CNTN5: variants seen among roughly 807,000 people sequenced by gnomAD.
CNTN5 encodes contactin 5.
In CNTN5, 77 loss-of-function variants were observed where a neutral mutation model predicts 129.1. The observed-to-expected ratio is 0.60, with a 90% CI of 0.50 to 0.72. The LOEUF is 0.72. Ranked by LOEUF, CNTN5 falls within the 30% of genes least tolerant of loss-of-function variation. CNTN5 has a pLI of 0.00. For synonymous variants in CNTN5, 509 were observed against 465.6 expected (o/e 1.09, Z -1.20); for missense variants, 1,478 against 1,328.8 (o/e 1.11, Z -1.75).
intron 2 of CNTN5, among the ~76,000 whole-genome samples, chr11:99,554,040 A>G (rs981843794): frequency 6.6e-6 from 1 of 151,480 alleles, no homozygotes. Context: ...TTTTAACATA[A>G]AATAAGTTAT....
At chr11:99,438,557 A>G (rs1354463964) in intron 2 of CNTN5, among the ~76,000 whole-genome samples, 1 of 151,938 alleles carries the variant, frequency 6.6e-6, no homozygotes, top group Non-Finnish European at 1.5e-5. Flanking sequence ...TCTCTCTCTC[A>G]TACACACACA....
intron 1 of CNTN5, among the ~76,000 whole-genome samples, chr11:99,211,383 C>T (rs992132092): frequency 6.6e-6 from 1 of 152,022 alleles, no homozygotes. Context: ...CTAGTCTAGA[C>T]AATTTTTTAA....
chr11:99,606,341 T>A (rs1304834032), intron 3 of CNTN5, among the ~76,000 whole-genome samples: 2 of 132,936 alleles, frequency 1.5e-5, no homozygotes, highest in Non-Finnish European at 3.2e-5. Context: ...TGAACTCCCA[T>A]TCACAATTGC....
At chr11:99,235,040 C>T (rs888159736) in intron 1 of CNTN5, among the ~76,000 whole-genome samples, 51 of 80,672 alleles carry the variant, frequency 6.3e-4, no homozygotes, top group African/African-American at 3.4e-3. Context: ...GGAAATGAAA[C>T]CTACCCTTTT....
At chr11:99,672,157 C>T (rs755281298) in intron 3 of CNTN5, among the ~76,000 whole-genome samples, 5 of 152,250 alleles carry the variant, frequency 3.3e-5, no homozygotes, top group Non-Finnish European at 5.9e-5. Context: ...TCACCCTCTT[C>T]GAAAACCCTA....
rs145277237 is a variant in CNTN5 at position 99,613,383 on chromosome 11, C to G, written c.55+57114C>G. Among the ~76,000 whole-genome samples, 22 of 152,270 alleles carry G rather than the reference C, an allele frequency of 1.4e-4. 1 individual carries two copies. The East Asian group carries it at 4.3e-3, about 29-fold the overall frequency. On this transcript the variant is annotated intron_variant, in intron 3 of 24. Coordinates refer to ENST00000524871, the MANE Select transcript of CNTN5 (RefSeq NM_014361.4). Reference sequence around the variant, plus strand: ...AGAAGGGTCCTTGCTTCTCTTTCGCCTTCCGCCATGTTTGTGAGTTTTTCT... The same window carrying G: ...AGAAGGGTCCTTGCTTCTCTTTCGCGTTCCGCCATGTTTGTGAGTTTTTCT...
rs563938649 is a variant in CNTN5 at position 99,191,756 on chromosome 11, CCT to C, written c.-209-133589_-209-133588del. Among the ~76,000 whole-genome samples, 1,014 of 151,570 alleles carry C rather than the reference CCT, an allele frequency of 6.7e-3. 3 individuals carry two copies. Among genetic ancestry groups the C allele is most frequent in the Non-Finnish European group, 0.012 (801 of 67,662 alleles). On this transcript the variant is annotated intron_variant, in intron 1 of 24. Transcript: ENST00000524871. Reference sequence around the variant, plus strand: ...AATTAAGAGATAAATTTAAAAATATCCTGAGACAATAAAAAATGGACACACAA... The same window carrying C: ...AATTAAGAGATAAATTTAAAAATATCGAGACAATAAAAAATGGACACACAA...
intron 2 of CNTN5, among the ~76,000 whole-genome samples, chr11:99,503,374 C>T (rs574299522): frequency 3.9e-5 from 6 of 152,280 alleles, no homozygotes; most frequent in African/African-American, 7.2e-5. Flanking sequence ...AAGACAGCAA[C>T]GTGTCTGGGT....
intron 6 of CNTN5, among the ~76,000 whole-genome samples, chr11:99,881,959 A>G (rs1270488409): frequency 6.6e-6 from 1 of 152,186 alleles, no homozygotes; most frequent in African/African-American, 2.4e-5. Flanking sequence ...ATAGCACTGA[A>G]TTTACCACTA....
intron 7 of CNTN5, among the ~76,000 whole-genome samples, chr11:99,956,537 C>T (rs1184498428): frequency 6.6e-6 from 1 of 152,010 alleles, no homozygotes; most frequent in Non-Finnish European, 1.5e-5. Flanking sequence ...TATCATAGTT[C>T]TGAGTACCTA....
At chr11:99,078,957 A>G (rs970657959) in intron 1 of CNTN5, among the ~76,000 whole-genome samples, 1 of 152,212 alleles carries the variant, frequency 6.6e-6, no homozygotes, top group African/African-American at 2.4e-5. Flanking sequence ...TGGAATGTCC[A>G]TAGCACAAAA....
chr11:100,174,313 A>T (rs1489162530), intron 13 of CNTN5, among the ~76,000 whole-genome samples: 1 of 152,130 alleles, frequency 6.6e-6, no homozygotes, highest in Admixed American at 6.6e-5. Context: ...AGCCTGAATT[A>T]TGTTCTGAGC....
At chr11:99,564,142 C>G (rs1175860312) in intron 3 of CNTN5, among the ~76,000 whole-genome samples, 1 of 152,298 alleles carries the variant, frequency 6.6e-6, no homozygotes, top group African/African-American at 2.4e-5. Context: ...AGTGCAGCGG[C>G]ATCATCATAG....
intron 2 of CNTN5, among the ~76,000 whole-genome samples, chr11:99,430,564 C>G (rs2656208): frequency 0.46 from 68,557 of 150,490 alleles, 16,156 homozygotes; most frequent in Non-Finnish European, 0.52. Flanking sequence ...CTGATTTTAA[C>G]CATGGGCCTC....
chr11:100,240,135 C>T (rs1949706253), intron 16 of CNTN5, among the ~76,000 whole-genome samples: 1 of 152,138 alleles, frequency 6.6e-6, no homozygotes, highest in South Asian at 2.1e-4. Context: ...ATCAATCATA[C>T]CTCACTGAAC....
intron 3 of CNTN5, among the ~76,000 whole-genome samples, chr11:99,595,919 C>A (rs949408921): frequency 3.9e-5 from 6 of 152,112 alleles, no homozygotes; most frequent in Non-Finnish European, 5.9e-5. Context: ...AAGTCCCTAA[C>A]CAGCCACATC....
chr11:100,084,585 A>G (rs572397460), intron 13 of CNTN5, among the ~76,000 whole-genome samples: 215 of 152,264 alleles, frequency 1.4e-3, no homozygotes, highest in African/African-American at 4.7e-3. Context: ...AAGAAACTGT[A>G]CATCATTTCC....
intron 3 of CNTN5, among the ~76,000 whole-genome samples, chr11:99,596,033 A>C (rs1423019393): frequency 2.0e-5 from 3 of 152,080 alleles, no homozygotes; most frequent in African/African-American, 7.2e-5. Flanking sequence ...CACGCTTTAA[A>C]GTTTGAGGAT....
intron 13 of CNTN5, among the ~76,000 whole-genome samples, chr11:100,145,680 A>C (rs193181346): frequency 6.6e-6 from 1 of 152,250 alleles, no homozygotes; most frequent in Non-Finnish European, 1.5e-5. Context: ...AGATACAGAA[A>C]GGCTTATTGA....
Sources: allele counts gnomAD v4.1 joint callset (sites outside exome capture counted in the v4.1 genomes callset), GRCh38; gene constraint gnomAD v4.1.1; transcripts MANE v1.5; gene names NCBI Gene and HGNC (gene_info 2026-07-23, HGNC 2026-07-21).